Variants in AUTS2 observed in about 807,000 individuals in gnomAD.
AUTS2 encodes the protein activator of transcription and developmental regulator AUTS2, also known as autism susceptibility gene 2 protein.
A neutral mutation model predicts 112.4 loss-of-function variants in AUTS2; 17 were observed. That is an observed-to-expected ratio of 0.15 (90% CI 0.10 to 0.23). AUTS2 has a LOEUF of 0.23. Among genes scored for constraint, AUTS2 ranks in the 10% least tolerant of loss-of-function variants. AUTS2 has a pLI of 1.00. For missense variants in AUTS2, 1,510 were observed against 1,701.6 expected (o/e 0.89, Z 1.98); for synonymous variants, 751 against 702.7 (o/e 1.07, Z -1.09).
chr7:69,860,447 C>T (rs1288362737), intron 1 of AUTS2, among the ~76,000 whole-genome samples: 1 of 152,182 alleles, frequency 6.6e-6, no homozygotes, highest in East Asian at 1.9e-4. Flanking sequence ...TGTGTCCTTT[C>T]ATGTCACCAC....
intron 1 of AUTS2, among the ~76,000 whole-genome samples, chr7:69,693,711 C>T (rs545364091): frequency 7.2e-5 from 11 of 152,102 alleles, no homozygotes; most frequent in South Asian, 4.1e-4. Flanking sequence ...GAAGAGAAGA[C>T]AAAATTTAGA....
At chr7:70,609,413 G>A (rs77046525) in intron 5 of AUTS2, among the ~76,000 whole-genome samples, 9 of 104,944 alleles carry the variant, frequency 8.6e-5, no homozygotes, top group African/African-American at 2.0e-4. Context: ...TTTTTTTTCC[G>A]AGACAGAGTC....
chr7:69,972,214 T>C (rs1043471312), intron 2 of AUTS2, among the ~76,000 whole-genome samples: 4 of 152,230 alleles, frequency 2.6e-5, no homozygotes, highest in African/African-American at 9.6e-5. Context: ...GAACATCTTT[T>C]CATTTGCTTA....
At chr7:70,193,255 G>T (rs953746778) in intron 4 of AUTS2, among the ~76,000 whole-genome samples, 1 of 152,112 alleles carries the variant, frequency 6.6e-6, no homozygotes, top group East Asian at 1.9e-4. Flanking sequence ...TTATCTAAAC[G>T]TATGCATTTG....
intron 5 of AUTS2, among the ~76,000 whole-genome samples, chr7:70,448,874 GACA>G (rs1340314891): frequency 6.6e-6 from 1 of 152,086 alleles, no homozygotes; most frequent in Non-Finnish European, 1.5e-5. Flanking sequence ...TCTGTAGCTG[GACA>G]AAATAATGGA....
chr7:70,645,670 T>G (rs760928197), intron 5 of AUTS2, among the ~76,000 whole-genome samples: 2 of 152,220 alleles, frequency 1.3e-5, no homozygotes, highest in Non-Finnish European at 2.9e-5. Context: ...AGCGCAGCTT[T>G]TAATCTGGAA....
At chr7:70,658,632 G>A (rs549476216) in intron 5 of AUTS2, among the ~76,000 whole-genome samples, 21 of 152,162 alleles carry the variant, frequency 1.4e-4, no homozygotes, top group Non-Finnish European at 2.6e-4. Flanking sequence ...AAGAACTGCC[G>A]GGGAGATGTC....
chr7:69,843,546 G>T (rs370396608), intron 1 of AUTS2, among the ~76,000 whole-genome samples: 2 of 152,266 alleles, frequency 1.3e-5, no homozygotes, highest in Admixed American at 1.3e-4. Flanking sequence ...ATAAATTTCC[G>T]TTGAATGAGT....
chr7:70,118,112 C>G lies in AUTS2; in HGVS notation c.523-20C>G, dbSNP rs575131675. 3 of 1,571,512 alleles carry G rather than the reference C, an allele frequency of 1.9e-6. No individual in the cohort carries two copies. Among genetic ancestry groups the G allele is most frequent in the Non-Finnish European group, 2.6e-6 (3 of 1,167,082 alleles). On this transcript the variant is annotated intron_variant, in intron 2 of 18. Transcript: ENST00000342771. ...CAGACCACTAACTTTTTCCTTTTTTCTCTTTTCTTTTGCCTTTAGCTCAAG... is the reference window on the plus strand; with the variant it reads ...CAGACCACTAACTTTTTCCTTTTTTGTCTTTTCTTTTGCCTTTAGCTCAAG...
intron 5 of AUTS2, among the ~76,000 whole-genome samples, chr7:70,606,176 A>C (rs1303166387): frequency 6.6e-6 from 1 of 152,232 alleles, no homozygotes; most frequent in East Asian, 1.9e-4. Context: ...GGATAAGATT[A>C]TCAGAGGAGA....
intron 6 of AUTS2, among the ~76,000 whole-genome samples, chr7:70,744,328 T>C (rs527401924): frequency 6.8e-4 from 104 of 152,258 alleles, no homozygotes; most frequent in African/African-American, 2.5e-3. Context: ...CTCTTTTCAG[T>C]GGCCCCCTGA....
At chr7:70,057,012 C>T (rs968348494) in intron 2 of AUTS2, among the ~76,000 whole-genome samples, 3 of 152,134 alleles carry the variant, frequency 2.0e-5, no homozygotes, top group Non-Finnish European at 4.4e-5. Flanking sequence ...TATAAAGGCT[C>T]GTTCCTGTTT....
intron 2 of AUTS2, among the ~76,000 whole-genome samples, chr7:69,999,304 G>A (rs1455392604): frequency 1.3e-5 from 2 of 152,062 alleles, no homozygotes; most frequent in African/African-American, 4.8e-5. Context: ...TGGATTGTAG[G>A]CCTGGTTATA....
At chr7:69,929,499 A>G (rs1320653113) in intron 2 of AUTS2, among the ~76,000 whole-genome samples, 2 of 151,814 alleles carry the variant, frequency 1.3e-5, no homozygotes, top group Non-Finnish European at 2.9e-5. Context: ...ACCAGATACT[A>G]GATAGTTTGA....
chr7:69,914,765 GT>G (rs1437234342), intron 2 of AUTS2, among the ~76,000 whole-genome samples: 2 of 151,922 alleles, frequency 1.3e-5, no homozygotes, highest in Non-Finnish European at 2.9e-5. Context: ...AAATATTTGT[GT>G]GGGGCTCTAC....
At chr7:69,787,272 C>T (rs1376990477) in intron 1 of AUTS2, among the ~76,000 whole-genome samples, 1 of 152,124 alleles carries the variant, frequency 6.6e-6, no homozygotes, top group Non-Finnish European at 1.5e-5. Flanking sequence ...TAGTCTATTT[C>T]AGGAGAAGGG....
chr7:69,798,481 A>T (rs1410357889), intron 1 of AUTS2, among the ~76,000 whole-genome samples: 1 of 151,852 alleles, frequency 6.6e-6, no homozygotes, highest in Non-Finnish European at 1.5e-5. Context: ...AGGCAAAAGT[A>T]CTCCTAACTG....
intron 2 of AUTS2, among the ~76,000 whole-genome samples, chr7:70,037,611 T>C (rs1801065007): frequency 1.3e-5 from 2 of 152,192 alleles, no homozygotes. Flanking sequence ...AATGCTCTGT[T>C]CTTTTACAAA....
At chr7:70,203,025 G>C (rs1810370146) in intron 4 of AUTS2, among the ~76,000 whole-genome samples, 1 of 140,150 alleles carries the variant, frequency 7.1e-6, no homozygotes, top group Non-Finnish European at 1.5e-5. Context: ...CATAAAAAAT[G>C]ATGAGTTCAT....
Sources: gnomAD v4.1 joint callset for allele counts (sites outside exome capture counted in the v4.1 genomes callset) on GRCh38, gnomAD v4.1.1 for gene constraint, MANE v1.5 for transcripts, NCBI Gene and HGNC (gene_info 2026-07-23, HGNC 2026-07-21) for gene names.